ULK4: variants seen among roughly 807,000 people sequenced by gnomAD.
The protein encoded by ULK4 is inactive serine/threonine-protein kinase ULK4.
Under a neutral mutation model 160.6 loss-of-function variants are expected in ULK4, and 133 were observed. That is an observed-to-expected ratio of 0.83 (90% CI 0.72 to 0.96). The LOEUF (loss-of-function observed/expected upper bound fraction) is 0.96, where lower values mean the gene tolerates loss of function less well. ULK4 is among the 40% of genes least tolerant of loss of function. The pLI is 0.00. For missense variants in ULK4, 1,580 were observed against 1,499.5 expected, an observed-to-expected ratio of 1.05 and a Z score of -0.89; for synonymous variants, 534 against 539.8, an observed-to-expected ratio of 0.99 and a Z score of 0.15.
intron 34 of ULK4, among the ~76,000 whole-genome samples, chr3:41,416,083 A>G (rs1381083488): frequency 5.3e-5 from 8 of 152,342 alleles, no homozygotes; most frequent in Admixed American, 2.6e-4. Flanking sequence ...TTCTATAGAA[A>G]TGACCACGCT....
Position 41,715,583 on chromosome 3 carries a change from C to T in ULK4, c.2456-15G>A, listed in dbSNP as rs370376572. On this transcript the variant is annotated splice_polypyrimidine_tract_variant and intron_variant, in intron 23 of 36. Transcript: ENST00000301831. ...AAGAATGTCACCTGTGAAGCACAGC[C>T]CAGAGCATATGTGGAGGTTAAAAAC... The T allele has an allele frequency of 7.4e-6, 12 of 1,613,850 alleles. No homozygotes were observed. In the African/African-American group the frequency reaches 1.6e-4, roughly 22 times the overall value.
chr3:41,327,612 AAGAC>A (rs540800239), intron 35 of ULK4, among the ~76,000 whole-genome samples: 142 of 152,322 alleles, frequency 9.3e-4, no homozygotes, highest in Middle Eastern at 3.4e-3. Context: ...TTATGGAAAT[AAGAC>A]AGCCAGATGT....
At chr3:41,661,692 G>A (rs2035173129) in intron 30 of ULK4, among the ~76,000 whole-genome samples, 1 of 152,070 alleles carries the variant, frequency 6.6e-6, no homozygotes, top group Non-Finnish European at 1.5e-5. Context: ...GAGATCTCTC[G>A]ATTTTATTGT....
chr3:41,249,516 G>A lies in ULK4; in HGVS notation c.3737C>T (p.Ala1246Val). ...ACTCCCAGGGGCCAGCCGCTCCAGAGCCCGCAGGAGGCTGCCTGCATTCTT... is the reference window on the plus strand; with the variant it reads ...ACTCCCAGGGGCCAGCCGCTCCAGAACCCGCAGGAGGCTGCCTGCATTCTT... The part of the protein sequence containing the change: ...SLKNAGSLLR[A>V]LERLAPGSGS... Residue 1246 changes from alanine to valine, a missense_variant, in exon 36 of 37, where the codon GCT becomes GTT. Ala to Val is a moderately conservative substitution (Grantham distance 64). Transcript: ENST00000301831. The A allele has an allele frequency of 6.2e-7, 1 of 1,614,080 alleles. No homozygotes were observed.
intron 13 of ULK4, chr3:41,899,175 CA>C (rs138787468): frequency 0.12 from 19,008 of 152,114 alleles, 1,357 homozygotes; most frequent in Middle Eastern, 0.27. Context: ...AATTATTAAT[CA>C]AGTATTATGC....
At chr3:41,942,041 C>G (rs555255775) in intron 2 of ULK4, among the ~76,000 whole-genome samples, 1 of 152,246 alleles carries the variant, frequency 6.6e-6, no homozygotes, top group East Asian at 1.9e-4. Context: ...CTGCCCTCCA[C>G]CTTCACCTCA....
chr3:41,396,649 G>A (rs202204607), intron 35 of ULK4, among the ~76,000 whole-genome samples: 1 of 152,110 alleles, frequency 6.6e-6, no homozygotes, highest in East Asian at 1.9e-4. Context: ...AACAACTGAG[G>A]CTTTTGCCTT....
intron 30 of ULK4, among the ~76,000 whole-genome samples, chr3:41,617,163 T>C (rs1699296858): frequency 6.6e-6 from 1 of 152,196 alleles, no homozygotes; most frequent in Non-Finnish European, 1.5e-5. Context: ...AAGGGGCAGC[T>C]GTGGGTACAG....
chr3:41,656,847 A>C (rs2034951863), intron 30 of ULK4, among the ~76,000 whole-genome samples: 1 of 152,328 alleles, frequency 6.6e-6, no homozygotes, highest in South Asian at 2.1e-4. Context: ...ACAGGAAAAC[A>C]GCTAAATTTT....
intron 35 of ULK4, among the ~76,000 whole-genome samples, chr3:41,394,215 G>A (rs896342070): frequency 2.6e-5 from 4 of 152,160 alleles, no homozygotes; most frequent in East Asian, 1.9e-4. Context: ...CAGAAAGTAG[G>A]CCAACAATTA....
intron 29 of ULK4, among the ~76,000 whole-genome samples, chr3:41,672,034 A>G (rs2035558085): frequency 6.6e-6 from 1 of 152,146 alleles, no homozygotes; most frequent in Admixed American, 6.5e-5. Flanking sequence ...GATATCTTAT[A>G]CTGATTAAAA....
chr3:41,705,006 A>ATTACCAAG (rs2036821154), intron 27 of ULK4, 51 bp downstream of exon 27: 1 of 1,461,340 alleles, frequency 6.8e-7, no homozygotes, highest in African/African-American at 1.4e-5. Context: ...TATATAAGGA[A>ATTACCAAG]TTACCAAGTA....
chr3:41,762,123 T>C (rs2039002414), intron 21 of ULK4, among the ~76,000 whole-genome samples: 1 of 152,078 alleles, frequency 6.6e-6, no homozygotes, highest in South Asian at 2.1e-4. Context: ...AATTAAAACA[T>C]AAATAATCCA....
chr3:41,627,562 C>T (rs2033574399), intron 30 of ULK4, among the ~76,000 whole-genome samples: 4 of 152,234 alleles, frequency 2.6e-5, no homozygotes, highest in Admixed American at 6.5e-5. Flanking sequence ...TCCACCTTGT[C>T]ATGCAGTTCT....
intron 31 of ULK4, among the ~76,000 whole-genome samples, chr3:41,608,334 C>T (rs1235647548): frequency 2.0e-5 from 3 of 152,176 alleles, no homozygotes; most frequent in Non-Finnish European, 4.4e-5. Context: ...AAAGCAAATG[C>T]TAATAAATGT....
intron 32 of ULK4, among the ~76,000 whole-genome samples, chr3:41,554,394 C>A (rs1575404995): frequency 6.6e-6 from 1 of 152,090 alleles, no homozygotes; most frequent in South Asian, 2.1e-4. Flanking sequence ...GAAATCATAT[C>A]ATTTGCAGCA....
At chr3:41,760,643 T>C (rs915471785) in intron 21 of ULK4, among the ~76,000 whole-genome samples, 2 of 152,152 alleles carry the variant, frequency 1.3e-5, no homozygotes, top group Admixed American at 6.5e-5. Flanking sequence ...ATTTAAAATA[T>C]TGTATGAAAT....
chr3:41,275,943 A>G (rs2079222171), intron 35 of ULK4, among the ~76,000 whole-genome samples: 1 of 152,264 alleles, frequency 6.6e-6, no homozygotes. Flanking sequence ...ATATCAACAA[A>G]GAATGGGACA....
chr3:41,871,917 G>T (rs995943519), intron 17 of ULK4, among the ~76,000 whole-genome samples: 1 of 152,016 alleles, frequency 6.6e-6, no homozygotes, highest in Non-Finnish European at 1.5e-5. Flanking sequence ...CTAAGTCAGG[G>T]TCACCAACAG....
Sources: allele counts gnomAD v4.1 joint callset (sites outside exome capture counted in the v4.1 genomes callset), GRCh38; gene constraint gnomAD v4.1.1; transcripts MANE v1.5; gene names NCBI Gene and HGNC (gene_info 2026-07-23, HGNC 2026-07-21).